Variants in UBN2 observed in about 807,000 individuals in gnomAD.
The protein encoded by UBN2 is ubinuclein-2.
Under a neutral mutation model 120.2 loss-of-function variants are expected in UBN2, and 35 were observed. The ratio of observed to expected loss-of-function variants is 0.29; its 90% CI spans 0.22 to 0.39. The LOEUF (loss-of-function observed/expected upper bound fraction) is 0.39, where lower values mean the gene tolerates loss of function less well. Ranked by LOEUF, UBN2 falls within the 10% of genes least tolerant of loss-of-function variation. The probability of loss-of-function intolerance (pLI) is 1.00; values close to 1 mark genes in which losing one functional copy is unlikely to be tolerated. For synonymous variants in UBN2, 661 were observed against 648.7 expected (o/e 1.02, Z -0.29); for missense variants, 1,693 against 1,663.2 (o/e 1.02, Z -0.31).
chr7:139,250,979 G>A (rs1796609606), intron 2 of UBN2, among the ~76,000 whole-genome samples: 2 of 151,918 alleles, frequency 1.3e-5, no homozygotes, highest in Admixed American at 6.6e-5. Context: ...TTTGAGGCAT[G>A]CACCTGTAGT....
At chr7:139,309,983 A>G (rs902947312), downstream of UBN2, among the ~76,000 whole-genome samples, 6 of 152,356 alleles carry the variant, frequency 3.9e-5, no homozygotes, top group East Asian at 1.9e-4. Flanking sequence ...TATATTTTCA[A>G]TGAACCTGGA....
At position 139,301,862 on chromosome 7, in the gene UBN2, A is replaced by G. The variant is rs1798265200; in HGVS notation, c.*4026A>G. 6.6e-6 allele frequency: 1 copy of G among 152,116 alleles called. No homozygotes were observed. The highest frequency in any genetic ancestry group is 2.1e-4 in the South Asian group (1 of 4,834). The allele number at this position is 152,116 out of a possible 1,614,324, so 9.4% of individuals were successfully genotyped here. The stretch of plus-strand genomic sequence containing the variant: ...CACTTTTACTTTCTATTGTGCATGT[A>G]TGATTGTTGTTTTTTGCTTTTGAGG... On this transcript the variant is annotated 3_prime_UTR_variant, in exon 18 of 18. Transcript: ENST00000473989.
At chr7:139,294,746 C>T (rs923830772) in intron 17 of UBN2, among the ~76,000 whole-genome samples, 1 of 152,106 alleles carries the variant, frequency 6.6e-6, no homozygotes, top group African/African-American at 2.4e-5. Context: ...GAGGCTGGGG[C>T]AGAAGATTTG....
chr7:139,292,273 T>C lies in UBN2; in HGVS notation c.3670-959T>C, dbSNP rs138622344. Among the ~76,000 whole-genome samples, 32 of 152,142 alleles carry C rather than the reference T, an allele frequency of 2.1e-4. No individual in the cohort carries two copies. The East Asian group carries it at 6.2e-3, about 29-fold the overall frequency. On this transcript the variant is annotated intron_variant, in intron 15 of 17. Coordinates refer to ENST00000473989, the MANE Select transcript of UBN2 (RefSeq NM_173569.4). Reference sequence around the variant, plus strand: ...GTCTCAAAAAAAAGGGGGCGGAGTTTGGGCAGGGGGAATATATTTAAGTAA... The same window carrying C: ...GTCTCAAAAAAAAGGGGGCGGAGTTCGGGCAGGGGGAATATATTTAAGTAA...
chr7:139,324,911 A>G, the UBN2 span, among the ~76,000 whole-genome samples: 1 of 152,086 alleles, frequency 6.6e-6, no homozygotes, highest in Non-Finnish European at 1.5e-5. Context: ...CAGAGGTTGC[A>G]GTGAGCCGAG....
At chr7:139,323,827 T>C in the UBN2 span, among the ~76,000 whole-genome samples, 2 of 152,070 alleles carry the variant, frequency 1.3e-5, no homozygotes, top group Non-Finnish European at 2.9e-5. Flanking sequence ...TGTGATTTTT[T>C]TTGTACTCAT....
At chr7:139,251,184 AAATAAT>A (rs1056566450) in intron 2 of UBN2, among the ~76,000 whole-genome samples, 9 of 152,162 alleles carry the variant, frequency 5.9e-5, no homozygotes, top group Non-Finnish European at 1.3e-4. Context: ...ATCTTTAAAA[AAATAAT>A]AATAATAATT....
At chr7:139,232,715 CATT>C (rs1342490598) in intron 1 of UBN2, among the ~76,000 whole-genome samples, 1 of 151,988 alleles carries the variant, frequency 6.6e-6, no homozygotes, top group Non-Finnish European at 1.5e-5. Flanking sequence ...AGTGTACTAT[CATT>C]AGTTTATAGA....
intron 1 of UBN2, among the ~76,000 whole-genome samples, chr7:139,232,977 G>A (rs1796069556): frequency 6.6e-6 from 1 of 152,144 alleles, no homozygotes; most frequent in South Asian, 2.1e-4. Flanking sequence ...CTGTTGCTTA[G>A]CAATTATACC....
chr7:139,254,029 C>T (rs1418547621), intron 3 of UBN2, among the ~76,000 whole-genome samples: 2 of 152,188 alleles, frequency 1.3e-5, no homozygotes, highest in Non-Finnish European at 2.9e-5. Context: ...TGCGGTGGCT[C>T]ACGCCTGTAA....
At chr7:139,296,361 T>A (rs754969425) in intron 17 of UBN2, among the ~76,000 whole-genome samples, 6 of 152,222 alleles carry the variant, frequency 3.9e-5, no homozygotes, top group Non-Finnish European at 7.3e-5. Flanking sequence ...TAAAACTTCA[T>A]GTGCAAAAGC....
chr7:139,257,811 G>A (rs1049191769), intron 3 of UBN2, among the ~76,000 whole-genome samples: 3 of 152,018 alleles, frequency 2.0e-5, no homozygotes, highest in African/African-American at 4.8e-5. Context: ...GCTGTTTTTT[G>A]TTTTTTTAGA....
intron 12 of UBN2, among the ~76,000 whole-genome samples, chr7:139,278,222 C>T (rs1446828932): frequency 3.4e-5 from 5 of 148,508 alleles, no homozygotes; most frequent in Middle Eastern, 3.5e-3. Context: ...TGCTCTGTCG[C>T]CCAGGCTGGA....
Position 139,283,766 on chromosome 7 carries a change from C to G in UBN2, c.2861C>G (p.Pro954Arg), listed in dbSNP as rs749291708. The G allele has an allele frequency of 1.2e-6, 2 of 1,613,844 alleles. No homozygotes were observed. The highest frequency in any genetic ancestry group is 1.7e-6 in the Non-Finnish European group (2 of 1,180,030). The change falls in exon 15 of 18, where the codon CCC becomes CGC. Residue 954 changes from proline (P) to arginine (R), a missense_variant. Physicochemically the swap from Pro to Arg is moderately radical, Grantham distance 103. Transcript: ENST00000473989. ...QATISKSQTN[P>R]VVKLSNNPQL... The stretch of plus-strand genomic sequence containing the variant: ...ACCATCAGTAAATCCCAGACCAACC[C>G]CGTCGTGAAGTTAAGTAATAATCCC...
downstream of UBN2, among the ~76,000 whole-genome samples, chr7:139,309,629 A>G (rs1365310136): frequency 6.6e-6 from 1 of 152,180 alleles, no homozygotes; most frequent in Non-Finnish European, 1.5e-5. Flanking sequence ...AAATTTTAAA[A>G]GGTGGCCAAG....
the UBN2 span, among the ~76,000 whole-genome samples, chr7:139,321,696 C>T: frequency 6.6e-6 from 1 of 152,154 alleles, no homozygotes; most frequent in Non-Finnish European, 1.5e-5. Flanking sequence ...GGAGACTCTC[C>T]AGAACGCACG....
Position 139,273,225 on chromosome 7 carries a change from G to GGAGCA in UBN2, c.1716-72_1716-71insGAGCA. On this transcript the variant is annotated intron_variant, in intron 9 of 17. Transcript: ENST00000473989. ...AACATTCCATTAAGCAATTCAGCAA[G>GGAGCA]TATTTATGGAGCATATTATATAGGC... 8.6e-6 allele frequency: 8 copies of GGAGCA among 932,786 alleles called. No homozygotes were observed. In the South Asian group the frequency reaches 1.5e-4, roughly 17 times the overall value. 57.8% of individuals were successfully genotyped at this position (932,786 alleles called of 1,614,324 possible).
Position 139,283,932 on chromosome 7 carries a change from C to T in UBN2, c.3027C>T (p.Thr1009=), listed in dbSNP as rs1371147411. The T allele has an allele frequency of 6.2e-7, 1 of 1,614,118 alleles. No individual in the cohort carries two copies. The highest frequency in any genetic ancestry group is 1.1e-5 in the South Asian group (1 of 91,074). ...CTAGGACAGTACCTAGCACCACTAC[C>T]TCCAGTAACTATTTAGCCAAGGCTA... is the stretch of plus-strand genomic sequence containing the variant. ...LVSRTVPSTT[T]SSNYLAKAMV... The change falls in exon 15 of 18, where the codon ACC becomes ACT. Residue 1009 remains threonine, a synonymous_variant. Transcript: ENST00000473989.
At chr7:139,270,544 C>T (rs1240546621) in intron 8 of UBN2, among the ~76,000 whole-genome samples, 1 of 152,146 alleles carries the variant, frequency 6.6e-6, no homozygotes, top group African/African-American at 2.4e-5. Flanking sequence ...GCTAGGATTA[C>T]AGGCGTGAGC....
Sources: gnomAD v4.1 joint callset for allele counts (sites outside exome capture counted in the v4.1 genomes callset) on GRCh38, gnomAD v4.1.1 for gene constraint, MANE v1.5 for transcripts, NCBI Gene and HGNC (gene_info 2026-07-23, HGNC 2026-07-21) for gene names.